Variants in PDE4D observed in about 807,000 individuals in gnomAD.
PDE4D encodes the protein 3',5'-cyclic-AMP phosphodiesterase 4D.
A neutral mutation model predicts 87.4 loss-of-function variants in PDE4D; 24 were observed. The ratio of observed to expected loss-of-function variants is 0.27; its 90% confidence interval spans 0.20 to 0.39. The LOEUF is 0.39. Ranked by LOEUF, PDE4D falls within the 10% of genes least tolerant of loss-of-function variation. The pLI is 1.00. For synonymous variants in PDE4D, 384 were observed against 383.2 expected, an observed-to-expected ratio of 1.00 and a Z score of -0.02; for missense variants, 714 against 1,041.0, an observed-to-expected ratio of 0.69 and a Z score of 4.32.
chr5:60,478,380 A>G (rs777835489), intron 1 of PDE4D, among the ~76,000 whole-genome samples: 1 of 152,190 alleles, frequency 6.6e-6, no homozygotes, highest in Non-Finnish European at 1.5e-5. Context: ...TATGGCCTCC[A>G]AGAAAAACAA....
intron 2 of PDE4D, among the ~76,000 whole-genome samples, chr5:60,108,039 T>A (rs1396368985): frequency 6.6e-6 from 1 of 152,040 alleles, no homozygotes; most frequent in Non-Finnish European, 1.5e-5. Flanking sequence ...AAACAAAGGG[T>A]ATTCAGTTAG....
intron 1 of PDE4D, among the ~76,000 whole-genome samples, chr5:59,579,466 G>C (rs1823712164): frequency 6.6e-6 from 1 of 152,132 alleles, no homozygotes; most frequent in African/African-American, 2.4e-5. Flanking sequence ...CTTTACTTGA[G>C]CACAAAATGA....
At chr5:59,762,778 T>A (rs1248295843) in intron 1 of PDE4D, among the ~76,000 whole-genome samples, 1 of 145,634 alleles carries the variant, frequency 6.9e-6, no homozygotes, top group African/African-American at 2.5e-5. Context: ...TATGTATATA[T>A]ACACACACAT....
intron 1 of PDE4D, among the ~76,000 whole-genome samples, chr5:59,334,134 A>C (rs1043710222): frequency 1.3e-5 from 2 of 150,488 alleles, no homozygotes; most frequent in African/African-American, 4.9e-5. Flanking sequence ...TAAATTTAAT[A>C]GTTTTTTTAA....
At chr5:60,443,919 G>A (rs1745434920) in intron 1 of PDE4D, among the ~76,000 whole-genome samples, 1 of 151,984 alleles carries the variant, frequency 6.6e-6, no homozygotes, top group African/African-American at 2.4e-5. Flanking sequence ...GGACAGCTTT[G>A]GTCCAAAACA....
At chr5:59,288,682 A>G (rs1767448634) in intron 1 of PDE4D, among the ~76,000 whole-genome samples, 1 of 152,106 alleles carries the variant, frequency 6.6e-6, no homozygotes, top group Non-Finnish European at 1.5e-5. Context: ...GGTCAAAGAT[A>G]AGAAAGAATC....
intron 1 of PDE4D, among the ~76,000 whole-genome samples, chr5:60,198,381 C>G (rs140723374): frequency 6.6e-6 from 1 of 151,604 alleles, no homozygotes; most frequent in East Asian, 1.9e-4. Context: ...CAAAACTAAT[C>G]AGTGGAATAT....
intron 1 of PDE4D, among the ~76,000 whole-genome samples, chr5:59,512,866 AAG>A: frequency 6.6e-6 from 1 of 152,132 alleles, no homozygotes; most frequent in Non-Finnish European, 1.5e-5. Flanking sequence ...CAAAGATAAA[AAG>A]TTATTTCTAT....
chr5:60,050,666 A>T (rs1051701971), intron 2 of PDE4D, among the ~76,000 whole-genome samples: 5 of 152,228 alleles, frequency 3.3e-5, no homozygotes, highest in South Asian at 2.1e-4. Flanking sequence ...TAATGACAGG[A>T]TCAAATTCAC....
chr5:59,579,074 A>T (rs374532099), intron 1 of PDE4D, among the ~76,000 whole-genome samples: 2 of 152,176 alleles, frequency 1.3e-5, no homozygotes, highest in East Asian at 3.8e-4. Flanking sequence ...CACTCTCTGA[A>T]GTATTATCAG....
At chr5:60,416,512 G>A (rs1742584340) in intron 1 of PDE4D, among the ~76,000 whole-genome samples, 1 of 151,944 alleles carries the variant, frequency 6.6e-6, no homozygotes, top group African/African-American at 2.4e-5. Context: ...CAGACACCCT[G>A]ACTTAAGAGC....
At chr5:59,975,746 G>T (rs2152821196) in intron 3 of PDE4D, among the ~76,000 whole-genome samples, 1 of 152,256 alleles carries the variant, frequency 6.6e-6, no homozygotes, top group East Asian at 1.9e-4. Flanking sequence ...CCTTCAATTG[G>T]CATTCTGGTC....
chr5:60,463,759 G>A (rs1302294292), intron 1 of PDE4D, among the ~76,000 whole-genome samples: 1 of 152,124 alleles, frequency 6.6e-6, no homozygotes, highest in African/African-American at 2.4e-5. Flanking sequence ...ACACCATGGA[G>A]ACAAGGCCCC....
intron 2 of PDE4D, among the ~76,000 whole-genome samples, chr5:60,115,004 C>T (rs1254904940): frequency 8.3e-6 from 1 of 121,052 alleles, no homozygotes; most frequent in East Asian, 2.1e-4. Flanking sequence ...TAGGATGCCT[C>T]ACAACAGTTC....
At chr5:59,544,254 T>C (rs1282521636) in intron 1 of PDE4D, among the ~76,000 whole-genome samples, 3 of 152,186 alleles carry the variant, frequency 2.0e-5, no homozygotes, top group Non-Finnish European at 2.9e-5. Context: ...ATTACCCAAT[T>C]GACGCTAGTT....
intron 5 of PDE4D, among the ~76,000 whole-genome samples, chr5:59,156,498 CCTT>C (rs1780246342): frequency 6.6e-6 from 1 of 151,298 alleles, no homozygotes; most frequent in Non-Finnish European, 1.5e-5. Flanking sequence ...CTTTTTTCCT[CCTT>C]CTTGCTGCTG....
At chr5:59,348,713 T>C (rs975217799) in intron 1 of PDE4D, among the ~76,000 whole-genome samples, 6 of 149,658 alleles carry the variant, frequency 4.0e-5, no homozygotes, top group African/African-American at 1.5e-4. Context: ...TACAGTAATA[T>C]ATATTTACTC....
At chr5:60,316,674 T>G (rs535456888) in intron 1 of PDE4D, among the ~76,000 whole-genome samples, 7 of 152,296 alleles carry the variant, frequency 4.6e-5, no homozygotes, top group African/African-American at 1.7e-4. Flanking sequence ...CAATACCTAA[T>G]TTATTGAGAG....
chr5:60,356,199 A>G (rs1327579165), intron 1 of PDE4D, among the ~76,000 whole-genome samples: 3 of 152,184 alleles, frequency 2.0e-5, no homozygotes, highest in Non-Finnish European at 2.9e-5. Flanking sequence ...CAGGAACTTC[A>G]GCATTACATT....
Sources: allele counts gnomAD v4.1 joint callset (sites outside exome capture counted in the v4.1 genomes callset), GRCh38; gene constraint gnomAD v4.1.1; transcripts MANE v1.5; gene names NCBI Gene and HGNC (gene_info 2026-07-23, HGNC 2026-07-21).